The following SPAG9 variants were observed in gnomAD, a reference collection of about 807,000 sequenced individuals.
SPAG9 encodes the protein C-Jun-amino-terminal kinase-interacting protein 4.
A neutral mutation model predicts 166.5 loss-of-function variants in SPAG9; 35 were observed. The observed-to-expected ratio is 0.21, with a 90% CI of 0.16 to 0.28. The LOEUF is 0.28. Ranked by LOEUF, SPAG9 falls within the 10% of genes least tolerant of loss-of-function variation. The pLI, the probability that SPAG9 is intolerant of heterozygous loss-of-function variation, is 1.00. For synonymous variants in SPAG9, 534 were observed against 565.5 expected (o/e 0.94, Z 0.79); for missense variants, 1,235 against 1,603.3 (o/e 0.77, Z 3.92).
At chr17:51,026,854 T>C (rs2144250436) in intron 6 of SPAG9, among the ~76,000 whole-genome samples, 1 of 152,018 alleles carries the variant, frequency 6.6e-6, no homozygotes, top group East Asian at 1.9e-4. Flanking sequence ...TTTTGTATTT[T>C]TAGTAGAGAC....
intron 2 of SPAG9, among the ~76,000 whole-genome samples, chr17:51,076,947 G>A (rs1250955612): frequency 6.6e-6 from 1 of 151,542 alleles, no homozygotes; most frequent in Non-Finnish European, 1.5e-5. Flanking sequence ...ACCAGCCTGG[G>A]CAACATAATG....
chr17:50,975,789 T>C, intron 27 of SPAG9: 1 of 1,080,478 alleles, frequency 9.3e-7, no homozygotes, highest in Non-Finnish European at 1.4e-6. Context: ...GAGGGTATTC[T>C]AGAGGAGTGG....
intron 1 of SPAG9, among the ~76,000 whole-genome samples, chr17:51,111,908 T>C (rs911899317): frequency 3.9e-5 from 6 of 152,110 alleles, no homozygotes; most frequent in African/African-American, 1.4e-4. Context: ...TAGCGTTCTT[T>C]TGTGATTTTT....
chr17:50,993,711 C>T (rs944431287), intron 19 of SPAG9, 53 bp downstream of exon 19: 13 of 1,570,780 alleles, frequency 8.3e-6, no homozygotes, highest in Middle Eastern at 1.7e-4. Context: ...CATCAGTGCC[C>T]AGCAGGTAGG....
At chr17:51,015,505 G>C (rs1015116809) in intron 8 of SPAG9, among the ~76,000 whole-genome samples, 1 of 152,118 alleles carries the variant, frequency 6.6e-6, no homozygotes, top group African/African-American at 2.4e-5. Context: ...AACAGCCACA[G>C]AGTACCAGAT....
intron 3 of SPAG9, among the ~76,000 whole-genome samples, chr17:51,053,080 T>C (rs1163124191): frequency 6.6e-6 from 1 of 151,782 alleles, no homozygotes; most frequent in Non-Finnish European, 1.5e-5. Context: ...TTTTATATTT[T>C]ATACTTTAAT....
At chr17:51,083,847 C>T (rs764176118) in intron 1 of SPAG9, among the ~76,000 whole-genome samples, 6 of 152,138 alleles carry the variant, frequency 3.9e-5, no homozygotes, top group South Asian at 2.1e-4. Context: ...AAAACGCCCC[C>T]GCCCATGTCA....
At chr17:51,071,566 T>C (rs1038834125) in intron 2 of SPAG9, among the ~76,000 whole-genome samples, 2 of 152,102 alleles carry the variant, frequency 1.3e-5, no homozygotes, top group African/African-American at 2.4e-5. Flanking sequence ...TAATCAGAAA[T>C]CTCCAAAATC....
chr17:51,080,577 T>C (rs767183342), intron 1 of SPAG9, among the ~76,000 whole-genome samples: 5 of 152,096 alleles, frequency 3.3e-5, no homozygotes, highest in East Asian at 1.9e-4. Context: ...AAAACTTCAA[T>C]TGGATGTTTA....
Position 51,089,177 on chromosome 17 carries a change from A to G in SPAG9, c.304-9473T>C, listed in dbSNP as rs559177582. Among the ~76,000 whole-genome samples, 114 of 151,908 alleles carry G rather than the reference A, an allele frequency of 7.5e-4. 1 individual carries two copies. Among genetic ancestry groups the G allele is most frequent in the South Asian group, 8.3e-4 (4 of 4,820 alleles). On this transcript the variant is annotated intron_variant, in intron 1 of 29. Coordinates refer to ENST00000262013, the MANE Select transcript of SPAG9 (RefSeq NM_001130528.3). ...GGTGGCTCATGCCTGTAATCCTAGC[A>G]CTTTGGGAGGCCGAGGCAGGTGGAC...
intron 1 of SPAG9, among the ~76,000 whole-genome samples, chr17:51,097,329 T>G (rs2048674564): frequency 6.6e-6 from 1 of 152,274 alleles, no homozygotes; most frequent in Non-Finnish European, 1.5e-5. Flanking sequence ...GAGGGGGTTG[T>G]GGGAACCCCA....
intron 5 of SPAG9, among the ~76,000 whole-genome samples, chr17:51,039,643 C>T (rs1033392962): frequency 2.0e-5 from 3 of 152,112 alleles, no homozygotes; most frequent in Admixed American, 1.3e-4. Flanking sequence ...AACTCCTCTG[C>T]TTAAGTCTAT....
intron 26 of SPAG9, among the ~76,000 whole-genome samples, chr17:50,978,834 C>G (rs1974374820): frequency 6.6e-6 from 1 of 152,086 alleles, no homozygotes; most frequent in Non-Finnish European, 1.5e-5. Context: ...GTCATGTCAC[C>G]TCACCTAAAG....
intron 2 of SPAG9, among the ~76,000 whole-genome samples, chr17:51,059,609 G>A (rs753265691): frequency 3.3e-5 from 5 of 151,894 alleles, no homozygotes; most frequent in Non-Finnish European, 7.4e-5. Context: ...AAAACTAGCT[G>A]GGCGTGGTGG....
chr17:51,001,933 T>C, intron 12 of SPAG9, 88 bp from the exon 13 acceptor site: 1 of 1,266,768 alleles, frequency 7.9e-7, no homozygotes, highest in Non-Finnish European at 1.1e-6. Context: ...CTTTCAGTTT[T>C]TAAGCATTCC....
At chr17:51,077,368 C>T (rs926548540) in intron 2 of SPAG9, among the ~76,000 whole-genome samples, 4 of 152,022 alleles carry the variant, frequency 2.6e-5, no homozygotes, top group South Asian at 2.1e-4. Flanking sequence ...GTGATTCGCC[C>T]GCCTCGACCT....
chr17:51,045,890 A>C (rs1205087702), intron 4 of SPAG9, among the ~76,000 whole-genome samples: 1 of 152,248 alleles, frequency 6.6e-6, no homozygotes, highest in Non-Finnish European at 1.5e-5. Context: ...AATAGTGAAT[A>C]GGCTTTGTAA....
chr17:50,970,281 AG>A (rs1222968345), intron 29 of SPAG9, among the ~76,000 whole-genome samples: 2 of 152,172 alleles, frequency 1.3e-5, no homozygotes, highest in African/African-American at 4.8e-5. Context: ...TGGAAGGCCG[AG>A]GCAGGCGGAT....
At position 50,995,442 on chromosome 17, in the gene SPAG9, A is replaced by G. The variant is rs1323975893; in HGVS notation, c.2058+2T>C. 2.5e-6 allele frequency: 4 copies of G among 1,599,162 alleles called. No individual in the cohort carries two copies. The highest frequency in any genetic ancestry group is 3.4e-6 in the Non-Finnish European group (4 of 1,168,712). On this transcript the variant is annotated splice_donor_variant, in intron 17 of 29. Transcript: ENST00000262013. LOFTEE classifies it high-confidence loss of function. ...TCTCCTTTTAATTCACAATGAACTT[A>G]CCTTCATTGATGTATCTTTTTCATC... is the stretch of plus-strand genomic sequence containing the variant.
Sources: gnomAD v4.1 joint callset for allele counts (sites outside exome capture counted in the v4.1 genomes callset) on GRCh38, gnomAD v4.1.1 for gene constraint, MANE v1.5 for transcripts, NCBI Gene and HGNC (gene_info 2026-07-23, HGNC 2026-07-21) for gene names.